ARHGEF26: variants seen among roughly 807,000 people sequenced by gnomAD.
The protein encoded by ARHGEF26 is Rho guanine nucleotide exchange factor 26.
ARHGEF26 carries 59 observed loss-of-function variants against 89.4 expected under a neutral mutation model. The ratio of observed to expected loss-of-function variants is 0.66; its 90% confidence interval spans 0.54 to 0.82. The LOEUF is 0.82. Ranked by LOEUF, ARHGEF26 falls within the 40% of genes least tolerant of loss-of-function variation. The pLI is 0.00. For missense variants in ARHGEF26, 1,234 were observed against 1,085.6 expected, an observed-to-expected ratio of 1.14 and a Z score of -1.92; for synonymous variants, 500 against 428.4, an observed-to-expected ratio of 1.17 and a Z score of -2.06.
At chr3:154,251,711 T>C (rs1450234194) in intron 12 of ARHGEF26, among the ~76,000 whole-genome samples, 1 of 152,160 alleles carries the variant, frequency 6.6e-6, no homozygotes, top group Non-Finnish European at 1.5e-5. Flanking sequence ...TGGATATATG[T>C]TGAGCAAAAG....
At chr3:154,173,984 A>G (rs1320736830) in intron 6 of ARHGEF26, among the ~76,000 whole-genome samples, 2 of 152,214 alleles carry the variant, frequency 1.3e-5, no homozygotes, top group East Asian at 1.9e-4. Context: ...ATGACCATTT[A>G]TTCAGCCCAG....
At chr3:154,241,627 A>G (rs891064622) in intron 12 of ARHGEF26, among the ~76,000 whole-genome samples, 2 of 152,250 alleles carry the variant, frequency 1.3e-5, no homozygotes, top group South Asian at 2.1e-4. Context: ...CATTGCAGCA[A>G]CGTCTCCAGT....
chr3:154,141,653 G>A (rs1426754325), intron 4 of ARHGEF26, among the ~76,000 whole-genome samples: 2 of 152,178 alleles, frequency 1.3e-5, no homozygotes, highest in African/African-American at 4.8e-5. Context: ...AACATGATAA[G>A]AAATATGTTT....
intron 9 of ARHGEF26, among the ~76,000 whole-genome samples, chr3:154,207,916 A>G (rs1435311481): frequency 6.6e-6 from 1 of 152,236 alleles, no homozygotes; most frequent in Non-Finnish European, 1.5e-5. Flanking sequence ...TGCAGCCACA[A>G]AAAAGAATGA....
Position 154,208,888 on chromosome 3 carries a change from C to T in ARHGEF26, c.1846-8981C>T, listed in dbSNP as rs112130448. Among the ~76,000 whole-genome samples, 245 of 151,528 alleles carry T rather than the reference C, an allele frequency of 1.6e-3. 1 individual carries two copies. The highest frequency in any genetic ancestry group is 5.4e-3 in the African/African-American group (221 of 41,274). On this transcript the variant is annotated intron_variant, in intron 9 of 14. Coordinates refer to ENST00000465093, the MANE Select transcript of ARHGEF26 (RefSeq NM_015595.4). ...TCAAGCGATTCTCATGCCTCAGCCTCCCAGGTAGCTGGGATTACAGGCACA... is the reference window on the plus strand; with the variant it reads ...TCAAGCGATTCTCATGCCTCAGCCTTCCAGGTAGCTGGGATTACAGGCACA...
chr3:154,174,946 A>G (rs774580329), intron 6 of ARHGEF26, among the ~76,000 whole-genome samples: 4 of 152,196 alleles, frequency 2.6e-5, no homozygotes, highest in Non-Finnish European at 5.9e-5. Context: ...AAGAAAAATG[A>G]TGGAGACTAT....
At chr3:154,205,866 C>T (rs1714987514) in intron 9 of ARHGEF26, among the ~76,000 whole-genome samples, 1 of 152,024 alleles carries the variant, frequency 6.6e-6, no homozygotes, top group South Asian at 2.1e-4. Flanking sequence ...GTTGTAGTTA[C>T]TATTTTTGAT....
intron 6 of ARHGEF26, among the ~76,000 whole-genome samples, chr3:154,168,820 C>G (rs1712218201): frequency 6.6e-6 from 1 of 151,818 alleles, no homozygotes; most frequent in Non-Finnish European, 1.5e-5. Context: ...TGCGATTCTG[C>G]CACTTTTTTT....
intron 9 of ARHGEF26, among the ~76,000 whole-genome samples, chr3:154,202,065 A>T (rs1006093085): frequency 2.0e-5 from 3 of 152,200 alleles, no homozygotes; most frequent in African/African-American, 7.2e-5. Flanking sequence ...TGTTTTAGAC[A>T]TGAAGTCCTT....
Position 154,122,929 on chromosome 3 carries a change from C to G in ARHGEF26, c.937C>G (p.Arg313Gly), listed in dbSNP as rs749289934. The G allele has an allele frequency of 1.3e-5, 21 of 1,612,580 alleles. No homozygotes were observed. Among genetic ancestry groups the G allele is most frequent in the Non-Finnish European group, 4.2e-6 (5 of 1,179,436 alleles). Residue 313 changes from arginine to glycine, a missense_variant, in exon 2 of 15, where the codon CGG becomes GGG. Physicochemically the swap from Arg to Gly is moderately radical, Grantham distance 125. Transcript: ENST00000465093. ...CCCAGGGTCTCTGCGGAGAGGCTTG[C>G]GGTCCACGTCTTATCGCAGGGCAGT... is the stretch of plus-strand genomic sequence containing the variant. ...DSPGSLRRGL[R>G]STSYRRAVVS... is the part of the protein sequence containing the mutation.
chr3:154,149,494 G>A (rs547269743), intron 5 of ARHGEF26, 49 bp downstream of exon 5: 12 of 1,501,730 alleles, frequency 8.0e-6, no homozygotes, highest in African/African-American at 5.5e-5. Flanking sequence ...TGTGCATGTC[G>A]GTGTCTGCTT....
chr3:154,189,175 G>A (rs1172520062), intron 7 of ARHGEF26, among the ~76,000 whole-genome samples: 1 of 151,930 alleles, frequency 6.6e-6, no homozygotes, highest in Admixed American at 6.6e-5. Context: ...ATAAATTTGG[G>A]TTTCATTTTG....
At chr3:154,208,036 TA>T (rs1715139557) in intron 9 of ARHGEF26, among the ~76,000 whole-genome samples, 1 of 152,120 alleles carries the variant, frequency 6.6e-6, no homozygotes, top group Admixed American at 6.5e-5. Context: ...AAGTGAGAGC[TA>T]AATGATAAGA....
chr3:154,145,505 A>T (rs1312383118), intron 4 of ARHGEF26, among the ~76,000 whole-genome samples: 2 of 152,150 alleles, frequency 1.3e-5, no homozygotes, highest in South Asian at 4.1e-4. Context: ...ATGGAGACAG[A>T]GTGATCTTGG....
At chr3:154,250,157 G>A (rs1055557245) in intron 12 of ARHGEF26, among the ~76,000 whole-genome samples, 2 of 152,104 alleles carry the variant, frequency 1.3e-5, no homozygotes, top group African/African-American at 4.8e-5. Context: ...AGCCTCCTGA[G>A]TAGCTGGGAT....
intron 7 of ARHGEF26, among the ~76,000 whole-genome samples, chr3:154,191,027 A>G (rs1303427156): frequency 1.3e-5 from 2 of 152,208 alleles, no homozygotes; most frequent in Non-Finnish European, 2.9e-5. Flanking sequence ...CCACTTGTAT[A>G]AATTTCTAGC....
chr3:154,162,923 C>T (rs563973291), intron 6 of ARHGEF26, among the ~76,000 whole-genome samples: 24 of 152,206 alleles, frequency 1.6e-4, no homozygotes, highest in South Asian at 1.2e-3. Flanking sequence ...TTTTAGAAAG[C>T]GCTCATTGAG....
intron 9 of ARHGEF26, 55 bp from the exon 10 acceptor site, chr3:154,217,814 A>C: frequency 7.3e-7 from 1 of 1,360,794 alleles, no homozygotes; most frequent in South Asian, 1.3e-5. Context: ...TCTGCTTTTG[A>C]AAGTGAGGTT....
chr3:154,178,247 A>G (rs1271376804), intron 6 of ARHGEF26, among the ~76,000 whole-genome samples: 1 of 152,192 alleles, frequency 6.6e-6, no homozygotes, highest in Non-Finnish European at 1.5e-5. Context: ...CTTTATTGAG[A>G]TCACAATTCA....
Sources: allele counts gnomAD v4.1 joint callset (sites outside exome capture counted in the v4.1 genomes callset), GRCh38; gene constraint gnomAD v4.1.1; transcripts MANE v1.5; gene names NCBI Gene and HGNC (gene_info 2026-07-23, HGNC 2026-07-21).